The following TMEM132B variants were observed in gnomAD, a reference collection of about 807,000 sequenced individuals.
The protein encoded by TMEM132B is transmembrane protein 132B.
TMEM132B carries 18 observed loss-of-function variants against 90.8 expected under a neutral mutation model. The observed-to-expected ratio is 0.20, with a 90% confidence interval of 0.14 to 0.29. TMEM132B has a LOEUF of 0.29. Ranked by LOEUF, TMEM132B falls within the 10% of genes least tolerant of loss-of-function variation. The probability of loss-of-function intolerance (pLI) is 1.00; values close to 1 mark genes in which losing one functional copy is unlikely to be tolerated. For synonymous variants in TMEM132B, 504 were observed against 523.3 expected (o/e 0.96, Z 0.50); for missense variants, 1,096 against 1,326.8 (o/e 0.83, Z 2.70).
At chr12:125,298,363 T>C (rs1875723904) in intron 1 of TMEM132B, among the ~76,000 whole-genome samples, 1 of 149,040 alleles carries the variant, frequency 6.7e-6, no homozygotes, top group Non-Finnish European at 1.5e-5. Context: ...CTCCATTTTG[T>C]AGGAAACGTT....
chr12:125,506,436 AGT>A, intron 3 of TMEM132B, among the ~76,000 whole-genome samples: 1 of 152,184 alleles, frequency 6.6e-6, no homozygotes, highest in Non-Finnish European at 1.5e-5. Context: ...CTATATCTTG[AGT>A]GTGGTGATAG....
intron 3 of TMEM132B, among the ~76,000 whole-genome samples, chr12:125,494,638 A>T (rs1454307424): frequency 8.9e-6 from 1 of 112,366 alleles, no homozygotes; most frequent in Non-Finnish European, 1.7e-5. Context: ...CTCCCTGAAA[A>T]TGGCCATGTC....
At chr12:125,302,683 A>C (rs1218375918) in intron 1 of TMEM132B, among the ~76,000 whole-genome samples, 1 of 152,218 alleles carries the variant, frequency 6.6e-6, no homozygotes, top group Non-Finnish European at 1.5e-5. Flanking sequence ...AATATACATA[A>C]AATTTGCCAC....
chr12:125,579,560 C>T (rs568899933), intron 4 of TMEM132B, among the ~76,000 whole-genome samples: 1 of 152,088 alleles, frequency 6.6e-6, no homozygotes, highest in South Asian at 2.1e-4. Flanking sequence ...GGTGGGGTTA[C>T]ACCATGTTGG....
At chr12:125,378,085 C>T (rs1878547944) in intron 2 of TMEM132B, among the ~76,000 whole-genome samples, 1 of 152,150 alleles carries the variant, frequency 6.6e-6, no homozygotes, top group African/African-American at 2.4e-5. Context: ...AAGGCATTCT[C>T]ACTCTGGTAG....
chr12:125,217,541 G>T (rs2136070652), intron 1 of TMEM132B, among the ~76,000 whole-genome samples: 1 of 152,294 alleles, frequency 6.6e-6, no homozygotes, highest in East Asian at 1.9e-4. Context: ...TGACCTTCCA[G>T]GCTTAGGCGA....
intron 1 of TMEM132B, among the ~76,000 whole-genome samples, chr12:125,237,769 G>T (rs1006616739): frequency 2.6e-5 from 4 of 152,188 alleles, no homozygotes; most frequent in Non-Finnish European, 5.9e-5. Context: ...ACTTAAAGTT[G>T]CATTTGCCTC....
chr12:125,419,224 T>C (rs1202401574), intron 3 of TMEM132B, among the ~76,000 whole-genome samples: 1 of 152,134 alleles, frequency 6.6e-6, no homozygotes, highest in East Asian at 1.9e-4. Flanking sequence ...CAACTCAAGG[T>C]GAAGTCAAGA....
chr12:125,208,079 T>C (rs80003195), intron 1 of TMEM132B, among the ~76,000 whole-genome samples: 3,339 of 152,340 alleles, frequency 0.022, 55 homozygotes, highest in Admixed American at 0.034. Context: ...CCTCAGTTAA[T>C]CCAACTTCTT....
At chr12:125,249,992 G>A (rs546522416) in intron 1 of TMEM132B, among the ~76,000 whole-genome samples, 5 of 152,356 alleles carry the variant, frequency 3.3e-5, no homozygotes, top group Non-Finnish European at 5.9e-5. Context: ...ACTCTGAGGC[G>A]GAGGCCAGAG....
intron 3 of TMEM132B, among the ~76,000 whole-genome samples, chr12:125,462,995 G>T (rs1881479353): frequency 1.3e-5 from 2 of 152,274 alleles, no homozygotes; most frequent in South Asian, 4.1e-4. Context: ...AAAGCTAACT[G>T]GTCTCTATGA....
intron 5 of TMEM132B, among the ~76,000 whole-genome samples, chr12:125,642,125 A>G (rs972040690): frequency 4.1e-4 from 63 of 152,150 alleles, no homozygotes; most frequent in African/African-American, 1.5e-3. Context: ...TCCTAGTGCA[A>G]TGCTTCCTTG....
chr12:125,350,145 C>T lies in TMEM132B; in HGVS notation c.761C>T (p.Pro254Leu). 1 of 1,614,218 alleles carries T rather than the reference C, an allele frequency of 6.2e-7. No individual in the cohort carries two copies. The highest frequency in any genetic ancestry group is 1.1e-5 in the South Asian group (1 of 91,074). Residue 254 changes from proline to leucine, a missense_variant, in exon 2 of 9, where the codon CCC (proline) becomes CTC (leucine). By Grantham distance (98) the Pro-to-Leu change is moderately conservative (BLOSUM62 -3). Transcript: ENST00000682704. ...ENNIHSGLES[P>L]QQAFPARERI... ...AATATCCACTCGGGCCTGGAGAGCC[C>T]CCAGCAAGCGTTTCCAGCCCGAGAG...
chr12:125,216,868 G>A (rs1051007568), intron 1 of TMEM132B, among the ~76,000 whole-genome samples: 2 of 152,166 alleles, frequency 1.3e-5, no homozygotes, highest in African/African-American at 2.4e-5. Context: ...CGGAGGCATC[G>A]AGCAGCTCCT....
chr12:125,393,491 C>T (rs142089550), intron 2 of TMEM132B, among the ~76,000 whole-genome samples: 32 of 151,460 alleles, frequency 2.1e-4, no homozygotes, highest in African/African-American at 7.5e-4. Context: ...CTGGAGGAGG[C>T]ATCAATTAAG....
intron 5 of TMEM132B, among the ~76,000 whole-genome samples, chr12:125,630,553 A>G (rs1268555997): frequency 6.6e-6 from 1 of 152,006 alleles, no homozygotes; most frequent in Non-Finnish European, 1.5e-5. Context: ...TCTAGCTAAA[A>G]GTTTGTCAAT....
At chr12:125,597,861 T>C (rs1490825262) in intron 5 of TMEM132B, among the ~76,000 whole-genome samples, 2 of 152,194 alleles carry the variant, frequency 1.3e-5, no homozygotes, top group African/African-American at 4.8e-5. Context: ...GTCATGCAGG[T>C]ATGAATCAAG....
chr12:125,473,115 C>T (rs1881766496), intron 3 of TMEM132B, among the ~76,000 whole-genome samples: 2 of 152,184 alleles, frequency 1.3e-5, no homozygotes, highest in South Asian at 4.1e-4. Context: ...CTCCTCCTTA[C>T]TCTCTGTGCC....
At chr12:125,357,221 G>A (rs1877806911) in intron 2 of TMEM132B, among the ~76,000 whole-genome samples, 1 of 152,150 alleles carries the variant, frequency 6.6e-6, no homozygotes, top group South Asian at 2.1e-4. Flanking sequence ...TGAAAGTTAG[G>A]ACACATAGGG....
Sources: gnomAD v4.1 joint callset for allele counts (sites outside exome capture counted in the v4.1 genomes callset) on GRCh38, gnomAD v4.1.1 for gene constraint, MANE v1.5 for transcripts, NCBI Gene and HGNC (gene_info 2026-07-23, HGNC 2026-07-21) for gene names.